Variants in BNIP2 observed in about 807,000 individuals in gnomAD.
The protein encoded by BNIP2 is BCL2 interacting protein 2.
BNIP2 carries 36 observed loss-of-function variants against 43.4 expected under a neutral mutation model. The ratio of observed to expected loss-of-function variants is 0.83; its 90% CI spans 0.64 to 1.10. The LOEUF (loss-of-function observed/expected upper bound fraction) is 1.10. BNIP2 is among the 50% of genes least tolerant of loss of function. BNIP2 has a pLI of 0.00. For synonymous variants in BNIP2, 146 were observed against 121.0 expected (o/e 1.21, Z -1.35); for missense variants, 417 against 374.1 (o/e 1.11, Z -0.95).
chr15:59,672,542 A>C, intron 6 of BNIP2, 95 bp downstream of exon 6: 1 of 889,898 alleles, frequency 1.1e-6, no homozygotes, highest in Non-Finnish European at 1.7e-6. Flanking sequence ...AAAGAACTGG[A>C]ATATTTATAA....
At chr15:59,688,796 A>G (rs1194626002) in intron 1 of BNIP2, 22 of 1,534,004 alleles carry the variant, frequency 1.4e-5, no homozygotes, top group Non-Finnish European at 1.8e-5. Context: ...GAACCATCGT[A>G]GCCCAGCCAC....
rs1379281658 is a variant in BNIP2 at position 59,661,116 on chromosome 15, A to T, written c.*2953T>A. 2.0e-5 allele frequency: 3 copies of T among 152,152 alleles called. No homozygotes were observed. The highest frequency in any genetic ancestry group is 4.4e-5 in the Non-Finnish European group (3 of 68,066). 9.4% of individuals were successfully genotyped at this position (152,152 alleles called of 1,614,324 possible). ...TTTGGGAGGCTGAGACAGGCAGATC[A>T]TGAGGTCAGGAGTTCGAGACCAGCC... On this transcript the variant is annotated 3_prime_UTR_variant, in exon 10 of 10. Transcript: ENST00000607373.
rs748389545 is a variant in BNIP2 at position 59,659,515 on chromosome 15, G to A, written c.*4554C>T. The A allele has an allele frequency of 1.4e-4, 21 of 152,140 alleles. No homozygotes were observed. The highest frequency in any genetic ancestry group is 2.8e-4 in the Non-Finnish European group (19 of 68,020). 9.4% of individuals were successfully genotyped at this position (152,140 alleles called of 1,614,324 possible). On this transcript the variant is annotated 3_prime_UTR_variant, in exon 10 of 10. Coordinates refer to ENST00000607373, the MANE Select transcript of BNIP2 (RefSeq NM_004330.4). ...TGTTCTGTGTGAATAGTGCTCCAAG[G>A]GCTGTGCAAGTCAGTGGCCCTGAAC...
chr15:59,674,928 G>GTATGGA (rs1893172841), intron 5 of BNIP2, among the ~76,000 whole-genome samples: 4 of 152,202 alleles, frequency 2.6e-5, no homozygotes, highest in Non-Finnish European at 5.9e-5. Flanking sequence ...GTGCTGTATA[G>GTATGGA]AAGTGTGGAG....
chr15:59,668,643 T>G (rs1367104565), intron 9 of BNIP2: 1 of 406,962 alleles, frequency 2.5e-6, no homozygotes. Flanking sequence ...TATAAAAGTA[T>G]AACATGAATC....
chr15:59,688,253 C>T (rs988389846), intron 1 of BNIP2, among the ~76,000 whole-genome samples: 1 of 152,160 alleles, frequency 6.6e-6, no homozygotes, highest in Non-Finnish European at 1.5e-5. Context: ...TCAGTTGTAA[C>T]TTTGAGGAAA....
intron 2 of BNIP2, among the ~76,000 whole-genome samples, chr15:59,681,613 T>A (rs544145972): frequency 6.6e-6 from 1 of 152,110 alleles, no homozygotes; most frequent in South Asian, 2.1e-4. Context: ...GCCTGGCTAA[T>A]TTTTTGTATT....
intron 2 of BNIP2, among the ~76,000 whole-genome samples, chr15:59,680,646 G>A (rs752115902): frequency 3.9e-5 from 6 of 152,114 alleles, no homozygotes; most frequent in Non-Finnish European, 5.9e-5. Flanking sequence ...AACGATTCTC[G>A]TGCATTGACC....
chr15:59,683,435 C>G (rs1392669247), intron 1 of BNIP2, among the ~76,000 whole-genome samples: 2 of 152,190 alleles, frequency 1.3e-5, no homozygotes, highest in East Asian at 3.8e-4. Flanking sequence ...ACAGCAGTAA[C>G]ATATTTCTGT....
chr15:59,681,728 T>C (rs977092055), intron 2 of BNIP2, among the ~76,000 whole-genome samples: 1 of 152,114 alleles, frequency 6.6e-6, no homozygotes, highest in Non-Finnish European at 1.5e-5. Flanking sequence ...GTTACAGGCG[T>C]GAGCCACCGC....
At chr15:59,681,576 G>T (rs1427964762) in intron 2 of BNIP2, among the ~76,000 whole-genome samples, 1 of 151,926 alleles carries the variant, frequency 6.6e-6, no homozygotes, top group African/African-American at 2.4e-5. Context: ...TGCCTCCTAA[G>T]CAGCTGGGAC....
chr15:59,666,817 T>C (rs1162423967), intron 9 of BNIP2, among the ~76,000 whole-genome samples: 2 of 119,962 alleles, frequency 1.7e-5, no homozygotes, highest in Non-Finnish European at 3.5e-5. Flanking sequence ...CTATTTATGG[T>C]TAAACACAAG....
At chr15:59,682,644 A>G in intron 1 of BNIP2, 130 bp from the exon 2 acceptor site, 2 of 682,050 alleles carry the variant, frequency 2.9e-6, no homozygotes. Context: ...ATTCATTTAC[A>G]GGGTTGCAAT....
rs1260310754 is a variant in BNIP2, at chr15:59,663,040, C to T, written c.*1029G>A. 3 of 152,620 alleles carry T rather than the reference C, an allele frequency of 2.0e-5. No homozygotes were observed. The highest frequency in any genetic ancestry group is 7.2e-5 in the African/African-American group (3 of 41,444). The allele number at this position is 152,620 out of a possible 1,614,324, so 9.5% of individuals were successfully genotyped here. A position where few individuals can be genotyped will look rare whatever the true frequency, so the allele number is the denominator to read the frequency against. ...TTCATACAAACTTGAATAAACACCA[C>T]ATCTAACTAGGTCAAACAACTACCG... On this transcript the variant is annotated 3_prime_UTR_variant, in exon 10 of 10. Transcript: ENST00000607373.
intron 9 of BNIP2, among the ~76,000 whole-genome samples, chr15:59,665,135 G>A (rs1350532188): frequency 2.6e-5 from 4 of 151,928 alleles, no homozygotes; most frequent in Admixed American, 1.3e-4. Context: ...GTGGTGGTAC[G>A]CGTCTGTAGT....
At chr15:59,671,975 C>G (rs1310658751) in intron 6 of BNIP2, among the ~76,000 whole-genome samples, 1 of 152,136 alleles carries the variant, frequency 6.6e-6, no homozygotes, top group African/African-American at 2.4e-5. Flanking sequence ...ACTAGGGAGG[C>G]TGAGGTAGGA....
intron 1 of BNIP2, among the ~76,000 whole-genome samples, chr15:59,685,081 A>G (rs1228694200): frequency 6.6e-6 from 1 of 152,234 alleles, no homozygotes; most frequent in Admixed American, 6.5e-5. Flanking sequence ...CACACCAGCA[A>G]TATTAATTTC....
At chr15:59,676,644 C>G (rs1191471906) in intron 5 of BNIP2, 2 of 583,032 alleles carry the variant, frequency 3.4e-6, no homozygotes, top group Admixed American at 3.1e-5. Context: ...CATAATATCT[C>G]TAGGCAGAGT....
At chr15:59,688,850 C>T in intron 1 of BNIP2, 1 of 1,486,238 alleles carries the variant, frequency 6.7e-7, no homozygotes, top group East Asian at 2.6e-5. Flanking sequence ...GGAGGAGGGG[C>T]AAGGTTCCAT....
Sources: gnomAD v4.1 joint callset for allele counts (sites outside exome capture counted in the v4.1 genomes callset) on GRCh38, gnomAD v4.1.1 for gene constraint, MANE v1.5 for transcripts, NCBI Gene and HGNC (gene_info 2026-07-23, HGNC 2026-07-21) for gene names.